COL26A1: variants seen among roughly 807,000 people sequenced by gnomAD.
The protein encoded by COL26A1 is collagen alpha-1(XXVI) chain.
COL26A1 carries 41 observed loss-of-function variants against 59.3 expected under a neutral mutation model. The observed-to-expected ratio is 0.69, with a 90% CI of 0.54 to 0.90. The LOEUF is 0.90. Among genes scored for constraint, COL26A1 ranks in the 40% least tolerant of loss-of-function variants. COL26A1 has a pLI of 0.00. For synonymous variants in COL26A1, 266 were observed against 256.0 expected, an observed-to-expected ratio of 1.04 and a Z score of -0.37; for missense variants, 612 against 602.3, an observed-to-expected ratio of 1.02 and a Z score of -0.17.
At chr7:101,535,841 G>A (rs140576646) in intron 4 of COL26A1, among the ~76,000 whole-genome samples, 480 of 152,326 alleles carry the variant, frequency 3.2e-3, no homozygotes, top group Admixed American at 5.9e-3. Flanking sequence ...GGGGAGCTGG[G>A]GTTGGTAGCT....
At chr7:101,451,067 A>G (rs897479006) in intron 3 of COL26A1, among the ~76,000 whole-genome samples, 2 of 142,722 alleles carry the variant, frequency 1.4e-5, no homozygotes, top group Non-Finnish European at 3.0e-5. Flanking sequence ...TATATATTCC[A>G]GTAACATATA....
At chr7:101,514,860 G>C (rs1183592340) in intron 3 of COL26A1, among the ~76,000 whole-genome samples, 1 of 152,252 alleles carries the variant, frequency 6.6e-6, no homozygotes, top group Non-Finnish European at 1.5e-5. Context: ...GCTCAGAGAG[G>C]CTGAAGTGGG....
At chr7:101,472,416 C>T (rs142722733) in intron 3 of COL26A1, among the ~76,000 whole-genome samples, 221 of 152,292 alleles carry the variant, frequency 1.5e-3, no homozygotes, top group African/African-American at 4.9e-3. Flanking sequence ...TCCCTTCCAC[C>T]ATAAACACCC....
At chr7:101,489,601 T>TTCTC (rs1286911630) in intron 3 of COL26A1, among the ~76,000 whole-genome samples, 53 of 105,232 alleles carry the variant, frequency 5.0e-4, no homozygotes, top group East Asian at 2.5e-3. Context: ...TTTTCTTTCT[T>TTCTC]TTTCTTTCTT....
intron 3 of COL26A1, among the ~76,000 whole-genome samples, chr7:101,467,045 G>A (rs1209042146): frequency 2.0e-5 from 3 of 151,908 alleles, no homozygotes; most frequent in African/African-American, 4.8e-5. Context: ...ATTGGTTGGG[G>A]TTTGGAGTCC....
intron 1 of COL26A1, among the ~76,000 whole-genome samples, chr7:101,406,907 AT>A (rs542073332): frequency 8.3e-4 from 127 of 152,254 alleles, no homozygotes; most frequent in African/African-American, 2.9e-3. Flanking sequence ...CTAGAATTGC[AT>A]CACTGCACTC....
chr7:101,447,321 G>T (rs1420429206), intron 2 of COL26A1, among the ~76,000 whole-genome samples: 1 of 152,212 alleles, frequency 6.6e-6, no homozygotes, highest in East Asian at 1.9e-4. Context: ...TGGTACCCAG[G>T]TAAGAAGGGG....
intron 3 of COL26A1, among the ~76,000 whole-genome samples, chr7:101,507,564 G>A (rs1794838337): frequency 1.3e-5 from 2 of 152,062 alleles, no homozygotes; most frequent in East Asian, 1.9e-4. Context: ...TGGGACCACA[G>A]GCACACGCCA....
At chr7:101,463,628 TTCCTTCCTTCCTTCCA>T (rs372930997) in intron 3 of COL26A1, among the ~76,000 whole-genome samples, 24,677 of 84,812 alleles carry the variant, frequency 0.29, 3,347 homozygotes, top group Non-Finnish European at 0.33. Context: ...CCTCCCCCTC[TTCCTTCCTTCCTTCCA>T]TCCTTCCATC....
In COL26A1 at chr7:101,475,900, CTCTTTCTCTCTCTCTCTCTT is replaced by C. The variant is rs1260147428; in HGVS notation, c.385+28129_385+28148del. Among the ~76,000 whole-genome samples the C allele has an allele frequency of 7.0e-4, 96 of 137,088 alleles. 1 individual carries two copies. Among genetic ancestry groups the C allele is most frequent in the Admixed American group, 5.6e-3 (77 of 13,712 alleles). The allele number at this position is 137,088 out of a possible 152,430, so 89.9% of individuals were successfully genotyped here. A position where few individuals can be genotyped will look rare whatever the true frequency, so the allele number is the denominator to read the frequency against. On this transcript the variant is annotated intron_variant, in intron 3 of 12. Transcript: ENST00000313669. ...TCTCTTTCTCTCTCTTTCTTTCTCT[CTCTTTCTCTCTCTCTCTCTT>C]TCTTTCTCTCTCTCTTTCTTTCTTC...
chr7:101,503,045 C>T (rs916409487), intron 3 of COL26A1, among the ~76,000 whole-genome samples: 1 of 152,182 alleles, frequency 6.6e-6, no homozygotes. Flanking sequence ...CCTTCTCCAG[C>T]TCATCTACCA....
chr7:101,552,450 A>G (rs1004778075), intron 10 of COL26A1, among the ~76,000 whole-genome samples: 3 of 152,124 alleles, frequency 2.0e-5, no homozygotes, highest in African/African-American at 7.2e-5. Flanking sequence ...CCCCATCTCT[A>G]TAAAAATATT....
chr7:101,537,931 C>T (rs998921080), intron 4 of COL26A1, among the ~76,000 whole-genome samples: 4 of 152,114 alleles, frequency 2.6e-5, no homozygotes, highest in African/African-American at 4.8e-5. Context: ...GCAACCCACC[C>T]CCGCCAACTT....
At chr7:101,443,648 A>C (rs1247623495) in intron 2 of COL26A1, among the ~76,000 whole-genome samples, 1 of 152,180 alleles carries the variant, frequency 6.6e-6, no homozygotes, top group Non-Finnish European at 1.5e-5. Flanking sequence ...GTGAATAATA[A>C]AAGCTGAATG....
chr7:101,490,156 T>G (rs1395482505), intron 3 of COL26A1, among the ~76,000 whole-genome samples: 1 of 151,514 alleles, frequency 6.6e-6, no homozygotes, highest in Non-Finnish European at 1.5e-5. Context: ...CAGGCTGGTC[T>G]CGAACTCCTG....
At chr7:101,485,715 A>G (rs763609164) in intron 3 of COL26A1, among the ~76,000 whole-genome samples, 1 of 152,132 alleles carries the variant, frequency 6.6e-6, no homozygotes, top group East Asian at 1.9e-4. Flanking sequence ...ACAGATGGAC[A>G]GTTCTGGCAA....
intron 1 of COL26A1, among the ~76,000 whole-genome samples, chr7:101,376,328 C>T (rs2117018662): frequency 6.6e-6 from 1 of 152,084 alleles, no homozygotes; most frequent in South Asian, 2.1e-4. Flanking sequence ...CAAAAATATC[C>T]TCCCCAAAAC....
chr7:101,533,406 G>A (rs2130640583), intron 4 of COL26A1, among the ~76,000 whole-genome samples: 1 of 152,236 alleles, frequency 6.6e-6, no homozygotes, highest in South Asian at 2.1e-4. Flanking sequence ...CGGGGGCTGG[G>A]AGGCTGGACA....
intron 3 of COL26A1, among the ~76,000 whole-genome samples, chr7:101,472,893 G>A (rs1312064002): frequency 6.6e-6 from 1 of 152,088 alleles, no homozygotes; most frequent in Non-Finnish European, 1.5e-5. Flanking sequence ...CATTGCCTGC[G>A]TTTCCCCGAC....
Sources: gnomAD v4.1 joint callset for allele counts (sites outside exome capture counted in the v4.1 genomes callset) on GRCh38, gnomAD v4.1.1 for gene constraint, MANE v1.5 for transcripts, NCBI Gene and HGNC (gene_info 2026-07-23, HGNC 2026-07-21) for gene names.